The following GSN variants were observed in gnomAD, a reference collection of about 807,000 sequenced individuals.
The protein encoded by GSN is gelsolin, also known as actin-depolymerizing factor.
In GSN, 56 loss-of-function variants were observed where a neutral mutation model predicts 85.7. The observed-to-expected ratio is 0.65, with a 90% CI of 0.53 to 0.82. GSN has a LOEUF of 0.82. Ranked by LOEUF, GSN falls within the 40% of genes least tolerant of loss-of-function variation. GSN has a pLI of 0.00. For missense variants in GSN, 857 were observed against 979.8 expected (o/e 0.87, Z 1.67); for synonymous variants, 373 against 399.1 (o/e 0.93, Z 0.78).
At chr9:121,278,707 G>A (rs1457312931) in intron 1 of GSN, among the ~76,000 whole-genome samples, 1 of 152,248 alleles carries the variant, frequency 6.6e-6, no homozygotes. Context: ...CATCTGGAGT[G>A]TGTGGGTGGT....
Position 121,261,964 on chromosome 9 carries a change from T to G in GSN, c.-340-3190T>G, listed in dbSNP as rs139022024. 9.1e-4 allele frequency among the ~76,000 whole-genome samples: 138 copies of G among 152,300 alleles called. No individual in the cohort carries two copies. Among genetic ancestry groups the G allele is most frequent in the African/African-American group, 3.1e-3 (127 of 41,552 alleles). ...TACAAAAATAGCACCATCTCCAAGA[T>G]TTTTTTGGTGTGGGTGTGTTTAAGG... On this transcript the variant is annotated intron_variant, in intron 6 of 24. Coordinates refer to the GSN transcript ENST00000373823. The surrounding 1 kb of genome is among the most constrained non-coding windows in gnomAD (Gnocchi z 4.1).
At chr9:121,312,222 T>C in intron 5 of GSN, 117 bp from the exon 6 acceptor site, 1 of 1,079,820 alleles carries the variant, frequency 9.3e-7, no homozygotes, top group Non-Finnish European at 1.4e-6. Flanking sequence ...AGCCTTCACC[T>C]GGGCAAGTGC....
chr9:121,268,824 A>G (rs908621801), intron 1 of GSN, among the ~76,000 whole-genome samples: 17 of 152,284 alleles, frequency 1.1e-4, no homozygotes, highest in South Asian at 4.1e-4. Flanking sequence ...CTGGAGTTGA[A>G]GACAGTGATT....
At chr9:121,225,655 A>G (rs1303765969) in intron 4 of GSN, among the ~76,000 whole-genome samples, 2 of 152,178 alleles carry the variant, frequency 1.3e-5, no homozygotes, top group Non-Finnish European at 2.9e-5. Flanking sequence ...GCTCTGCAGC[A>G]TTTGCCTTTC....
At chr9:121,297,534 T>G (rs1163770525) in intron 2 of GSN, among the ~76,000 whole-genome samples, 1 of 152,200 alleles carries the variant, frequency 6.6e-6, no homozygotes, top group Non-Finnish European at 1.5e-5. Context: ...CTTAACAGTT[T>G]GGTGCTTACC....
chr9:121,219,040 G>A (rs1033494816), intron 4 of GSN, among the ~76,000 whole-genome samples: 4 of 152,178 alleles, frequency 2.6e-5, no homozygotes, highest in Non-Finnish European at 5.9e-5. Context: ...GACACCTGAA[G>A]TCCAATATCT....
chr9:121,321,670 A>G (rs10985207), intron 11 of GSN, among the ~76,000 whole-genome samples: 9,609 of 152,298 alleles, frequency 0.063, 374 homozygotes, highest in East Asian at 0.17. Context: ...AGTACTAGGC[A>G]CACTAGGGTT....
rs148547174 is a variant in GSN at position 121,321,636 on chromosome 9, A to C, written c.1325+235A>C. 3.2e-4 allele frequency among the ~76,000 whole-genome samples: 48 copies of C among 152,360 alleles called. No individual in the cohort carries two copies. The East Asian group carries it at 7.1e-3, about 23-fold the overall frequency. On this transcript the variant is annotated intron_variant, in intron 11 of 17. Coordinates refer to ENST00000432226, the MANE Select transcript of GSN (RefSeq NM_198252.3). Reference sequence around the variant, plus strand: ...ATAGTGAATGTGGAGAAACAAACAGAACATCTCCCACAAATCCATGACAAG... The same window carrying C: ...ATAGTGAATGTGGAGAAACAAACAGCACATCTCCCACAAATCCATGACAAG...
chr9:121,324,431 C>T (rs1231281339), intron 11 of GSN, 123 bp from the exon 12 acceptor site: 2 of 688,068 alleles, frequency 2.9e-6, no homozygotes, highest in Admixed American at 2.0e-5. Flanking sequence ...AAAGAGTCCC[C>T]TTCCCTCTCT....
intron 6 of GSN, among the ~76,000 whole-genome samples, chr9:121,262,180 A>G (rs2132280488): frequency 6.6e-6 from 1 of 152,344 alleles, no homozygotes; most frequent in Admixed American, 6.5e-5. Flanking sequence ...AAATTAAATA[A>G]TTCTTGATCC....
In GSN at chr9:121,286,310, A is replaced by G. The variant is rs1444696660; in HGVS notation, c.-10+4748A>G. The stretch of plus-strand genomic sequence containing the variant: ...ACCAGCCAGGCCCCCTGCAGAGATG[A>G]AACCAGTTCCAATTCTATTCTCTCC... On this transcript the variant is annotated intron_variant, in intron 2 of 17. Coordinates refer to ENST00000432226, the MANE Select transcript of GSN (RefSeq NM_198252.3). 4 of 659,822 alleles carry G rather than the reference A, an allele frequency of 6.1e-6. No homozygotes were observed. The Admixed American group carries it at 1.1e-4, about 19-fold the overall frequency. 40.9% of individuals were successfully genotyped at this position (659,822 alleles called of 1,614,324 possible).
At chr9:121,224,275 A>G (rs1186445995) in intron 4 of GSN, among the ~76,000 whole-genome samples, 1 of 151,600 alleles carries the variant, frequency 6.6e-6, no homozygotes, top group Non-Finnish European at 1.5e-5. Flanking sequence ...TTTTTAAAAA[A>G]TTTTTAGTAG....
At chr9:121,320,093 T>C (rs1435759924) in intron 10 of GSN, among the ~76,000 whole-genome samples, 1 of 152,192 alleles carries the variant, frequency 6.6e-6, no homozygotes, top group Non-Finnish European at 1.5e-5. Flanking sequence ...CATAACCTCT[T>C]TGAGCTTCAC....
At chr9:121,322,984 C>T (rs150113349) in intron 11 of GSN, among the ~76,000 whole-genome samples, 1 of 151,788 alleles carries the variant, frequency 6.6e-6, no homozygotes, top group African/African-American at 2.4e-5. Context: ...TGCCACTACT[C>T]ACCACCACAC....
In GSN at chr9:121,328,908, C is replaced by T. The variant is rs781264803; in HGVS notation, c.1780C>T (p.Leu594=). Residue 594 remains leucine, a synonymous_variant, in exon 15 of 18, where the codon CTG becomes TTG. Coordinates refer to ENST00000432226, the MANE Select transcript of GSN (RefSeq NM_198252.3). ...CCTCACAGATGGCTTCTGGGAGGCCCTGGGCGGGAAGGCTGCCTACCGCAC... is the reference window on the plus strand; with the variant it reads ...CCTCACAGATGGCTTCTGGGAGGCCTTGGGCGGGAAGGCTGCCTACCGCAC... ...GSEPDGFWEA[L]GGKAAYRTSP... The T allele has an allele frequency of 6.2e-7, 1 of 1,612,460 alleles. No individual in the cohort carries two copies. The highest frequency in any genetic ancestry group is 1.7e-5 in the Admixed American group (1 of 60,024).
chr9:121,300,186 G>A (rs1588932478), intron 2 of GSN: 8 of 1,204,000 alleles, frequency 6.6e-6, no homozygotes, highest in Non-Finnish European at 9.9e-6. Context: ...GAGCCTCGGG[G>A]CCCTGGCTGT....
At chr9:121,247,501 G>T (rs1435982498) in intron 5 of GSN, among the ~76,000 whole-genome samples, 1 of 152,208 alleles carries the variant, frequency 6.6e-6, no homozygotes, top group Non-Finnish European at 1.5e-5. Flanking sequence ...GTTGCAAACT[G>T]AAATCGTTTT....
At chr9:121,268,594 C>T (rs1426542948) in intron 1 of GSN, among the ~76,000 whole-genome samples, 5 of 152,228 alleles carry the variant, frequency 3.3e-5, no homozygotes, top group Non-Finnish European at 7.4e-5. Flanking sequence ...CCACCAGCTA[C>T]GGTCTGGGCG....
intron 4 of GSN, among the ~76,000 whole-genome samples, chr9:121,221,608 A>T (rs1352538139): frequency 6.6e-6 from 1 of 152,214 alleles, no homozygotes; most frequent in East Asian, 1.9e-4. Context: ...TCAGGGTTCG[A>T]GTGCTAGAGT....
Sources: gnomAD v4.1 joint callset for allele counts (sites outside exome capture counted in the v4.1 genomes callset) on GRCh38, gnomAD v4.1.1 for gene constraint, Gnocchi (gnomAD v3.1) non-coding constraint, MANE v1.5 for transcripts, NCBI Gene and HGNC (gene_info 2026-07-23, HGNC 2026-07-21) for gene names.